Variants in ABCA13 observed in about 807,000 individuals in gnomAD.
ABCA13 encodes ATP-binding cassette sub-family A member 13.
A neutral mutation model predicts 478.7 loss-of-function variants in ABCA13; 476 were observed. That is an observed-to-expected ratio of 0.99 (90% CI 0.92 to 1.07). The LOEUF is 1.07. Ranked by LOEUF, ABCA13 falls within the 50% of genes least tolerant of loss-of-function variation. The pLI is 0.00. For missense variants in ABCA13, 6,060 were observed against 5,910.6 expected (o/e 1.03, Z -0.83); for synonymous variants, 2,252 against 2,158.9 (o/e 1.04, Z -1.20).
chr7:48,551,036 A>G (rs1319747065), intron 55 of ABCA13, among the ~76,000 whole-genome samples: 2 of 151,804 alleles, frequency 1.3e-5, no homozygotes, highest in Non-Finnish European at 2.9e-5. Context: ...GAAATGCAAT[A>G]TCTAAATAAA....
chr7:48,373,295 C>T (rs190731384), intron 33 of ABCA13, among the ~76,000 whole-genome samples: 13 of 152,276 alleles, frequency 8.5e-5, no homozygotes, highest in African/African-American at 3.1e-4. Flanking sequence ...CTTAAAAGTC[C>T]TTTAGTCCAG....
chr7:48,419,791 C>G (rs1229053942), intron 41 of ABCA13, among the ~76,000 whole-genome samples: 1 of 152,072 alleles, frequency 6.6e-6, no homozygotes, highest in Non-Finnish European at 1.5e-5. Flanking sequence ...CTCTCTTTTT[C>G]CACATCTCTC....
chr7:48,292,738 G>GC (rs1355400450), intron 20 of ABCA13, among the ~76,000 whole-genome samples: 1 of 152,058 alleles, frequency 6.6e-6, no homozygotes, highest in Non-Finnish European at 1.5e-5. Context: ...CTCCAGCACT[G>GC]CCCCCACCCC....
intron 19 of ABCA13, among the ~76,000 whole-genome samples, chr7:48,285,030 C>G (rs888745933): frequency 6.6e-6 from 1 of 152,160 alleles, no homozygotes; most frequent in Admixed American, 6.5e-5. Flanking sequence ...TTCTCCTGAT[C>G]TAGTGCTTTA....
At chr7:48,267,350 C>T (rs992295613) in intron 15 of ABCA13, among the ~76,000 whole-genome samples, 74 of 152,028 alleles carry the variant, frequency 4.9e-4, no homozygotes, top group Non-Finnish European at 7.4e-5. Context: ...TTGTAATGTT[C>T]ACAAACATTT....
intron 42 of ABCA13, among the ~76,000 whole-genome samples, chr7:48,453,610 A>T (rs1039942130): frequency 6.6e-6 from 1 of 151,862 alleles, no homozygotes; most frequent in African/African-American, 2.4e-5. Context: ...GCCTATTTAT[A>T]CCTCCTGTTT....
intron 13 of ABCA13, 23 bp from the exon 14 acceptor site, chr7:48,248,216 C>T: frequency 6.3e-7 from 1 of 1,592,422 alleles, no homozygotes; most frequent in Non-Finnish European, 8.6e-7. Flanking sequence ...TTATTATAAG[C>T]AATATCTTCT....
intron 27 of ABCA13, among the ~76,000 whole-genome samples, chr7:48,334,326 T>C (rs868754823): frequency 2.7e-5 from 4 of 150,142 alleles, no homozygotes; most frequent in African/African-American, 9.9e-5. Context: ...CTTACAAGAG[T>C]CTCTATCCCT....
chr7:48,249,859 C>G (rs1792271417), intron 15 of ABCA13, among the ~76,000 whole-genome samples: 1 of 151,482 alleles, frequency 6.6e-6, no homozygotes, highest in South Asian at 2.1e-4. Flanking sequence ...TCCACTTCTC[C>G]ATTGACACTA....
intron 55 of ABCA13, among the ~76,000 whole-genome samples, chr7:48,557,426 CT>C (rs926410844): frequency 4.0e-5 from 6 of 150,958 alleles, no homozygotes; most frequent in African/African-American, 1.2e-4. Context: ...CTGGGAAAGT[CT>C]TTTTTTTTCC....
At chr7:48,296,578 G>A (rs921474010) in intron 21 of ABCA13, among the ~76,000 whole-genome samples, 3 of 151,404 alleles carry the variant, frequency 2.0e-5, no homozygotes, top group Non-Finnish European at 2.9e-5. Context: ...TCCCTCCTCA[G>A]CCTCCTGAGT....
chr7:48,268,283 A>G (rs1289234767), intron 15 of ABCA13, among the ~76,000 whole-genome samples: 3 of 151,824 alleles, frequency 2.0e-5, no homozygotes, highest in Non-Finnish European at 4.4e-5. Flanking sequence ...CAGCCTCCCA[A>G]GTAGCTAGGA....
intron 41 of ABCA13, among the ~76,000 whole-genome samples, chr7:48,420,267 A>G (rs1369267108): frequency 1.3e-5 from 2 of 152,212 alleles, no homozygotes; most frequent in Non-Finnish European, 1.5e-5. Flanking sequence ...AAGCTAGTGA[A>G]ATTAAGATTT....
At chr7:48,552,173 G>A (rs1563427317) in intron 55 of ABCA13, among the ~76,000 whole-genome samples, 1 of 151,114 alleles carries the variant, frequency 6.6e-6, no homozygotes, top group South Asian at 2.1e-4. Flanking sequence ...TCATTCTGGA[G>A]GGCCTTAAAA....
At chr7:48,217,368 A>G (rs932362698) in intron 3 of ABCA13, among the ~76,000 whole-genome samples, 20 of 152,200 alleles carry the variant, frequency 1.3e-4, no homozygotes, top group Admixed American at 8.5e-4. Flanking sequence ...TTGTAATAGA[A>G]AGAATAATCA....
intron 1 of ABCA13, among the ~76,000 whole-genome samples, chr7:48,182,176 A>C (rs1280141941): frequency 6.6e-6 from 1 of 152,228 alleles, no homozygotes; most frequent in African/African-American, 2.4e-5. Flanking sequence ...GCGGATTCAA[A>C]AAATGTCCAT....
chr7:48,605,306 G>A (rs201736267), intron 58 of ABCA13, among the ~76,000 whole-genome samples: 6 of 151,766 alleles, frequency 4.0e-5, no homozygotes, highest in African/African-American at 1.5e-4. Context: ...GTTAGTTGAT[G>A]CAGTTTCTTC....
At position 48,644,667 on chromosome 7, in the gene ABCA13, C is replaced by G. The variant is rs1173679851; in HGVS notation, c.14994C>G (p.Cys4998Trp). 1 of 1,610,124 alleles carries G rather than the reference C, an allele frequency of 6.2e-7. No individual in the cohort carries two copies. The highest frequency in any genetic ancestry group is 8.5e-7 in the Non-Finnish European group (1 of 1,179,162). ...ATCATGTGCCAAAAAGATGGGGATG[C>G]CTAGCTGACTTGTTCAAAGTTATAG... ...LEYHVPKRWG[C>W]LADLFKVIEN... The change falls in exon 61 of 62, where the codon TGC becomes TGG. Residue 4998 changes from cysteine (C) to tryptophan (W), a missense_variant. This residue lies in a region of ABCA13 where 1,627 missense variants were observed against 1,571.0 expected (regional missense o/e 1.04). Coordinates refer to ENST00000435803, the MANE Select transcript of ABCA13 (RefSeq NM_152701.5).
chr7:48,221,368 CA>C, intron 5 of ABCA13, 59 bp downstream of exon 5: 3 of 811,708 alleles, frequency 3.7e-6, no homozygotes, highest in Non-Finnish European at 5.6e-6. Context: ...GTTAAGTTTA[CA>C]ACACTGTTTT....
Sources: allele counts gnomAD v4.1 joint callset (sites outside exome capture counted in the v4.1 genomes callset), GRCh38; gene constraint gnomAD v4.1.1; regional missense constraint gnomAD v4.1.1; transcripts MANE v1.5; gene names NCBI Gene and HGNC (gene_info 2026-07-23, HGNC 2026-07-21).